The following MACROD2 variants were observed in gnomAD, a reference collection of about 807,000 sequenced individuals.
MACROD2 encodes ADP-ribose glycohydrolase MACROD2.
Under a neutral mutation model 70.4 loss-of-function variants are expected in MACROD2, and 36 were observed. The observed-to-expected ratio is 0.51, with a 90% CI of 0.39 to 0.68. MACROD2 has a LOEUF of 0.68. Ranked by LOEUF, MACROD2 falls within the 30% of genes least tolerant of loss-of-function variation. The pLI, the probability that MACROD2 is intolerant of heterozygous loss-of-function variation, is 0.00. For missense variants in MACROD2, 496 were observed against 538.4 expected, an observed-to-expected ratio of 0.92 and a Z score of 0.78; for synonymous variants, 172 against 178.8, an observed-to-expected ratio of 0.96 and a Z score of 0.30.
chr20:14,167,297 C>T (rs2055281232), intron 3 of MACROD2, among the ~76,000 whole-genome samples: 1 of 152,140 alleles, frequency 6.6e-6, no homozygotes, highest in Admixed American at 6.5e-5. Context: ...TCATTTTTTT[C>T]ACATGATTAT....
At chr20:14,698,385 A>T (rs924761831) in intron 5 of MACROD2, among the ~76,000 whole-genome samples, 1 of 152,056 alleles carries the variant, frequency 6.6e-6, no homozygotes, top group South Asian at 2.1e-4. Flanking sequence ...CAATCACCCT[A>T]CCCTCACAGG....
chr20:14,696,929 A>G (rs2071132928), intron 5 of MACROD2, among the ~76,000 whole-genome samples: 1 of 152,212 alleles, frequency 6.6e-6, no homozygotes, highest in African/African-American at 2.4e-5. Flanking sequence ...TACTTAGTAC[A>G]GTATATTAAA....
intron 6 of MACROD2, among the ~76,000 whole-genome samples, chr20:15,391,283 G>A (rs2045788765): frequency 6.6e-6 from 1 of 152,226 alleles, no homozygotes; most frequent in Admixed American, 6.5e-5. Context: ...GCTTTTGTGT[G>A]CTGCCTTTTA....
chr20:15,605,733 GA>G (rs2048884493), intron 8 of MACROD2, among the ~76,000 whole-genome samples: 1 of 152,138 alleles, frequency 6.6e-6, no homozygotes, highest in Admixed American at 6.5e-5. Flanking sequence ...TTGTGTATAA[GA>G]AATAGGTGTG....
intron 8 of MACROD2, among the ~76,000 whole-genome samples, chr20:15,766,781 C>T (rs922757930): frequency 1.2e-4 from 18 of 152,140 alleles, no homozygotes; most frequent in Middle Eastern, 3.2e-3. Flanking sequence ...CATAACAAAC[C>T]GCCTCATAGT....
chr20:14,759,880 T>C (rs531845278), intron 5 of MACROD2, among the ~76,000 whole-genome samples: 1 of 152,178 alleles, frequency 6.6e-6, no homozygotes, highest in South Asian at 2.1e-4. Flanking sequence ...TAGGTGCTTT[T>C]CTGATTATCA....
intron 8 of MACROD2, among the ~76,000 whole-genome samples, chr20:15,697,056 G>A (rs918733801): frequency 4.6e-5 from 7 of 151,858 alleles, no homozygotes; most frequent in African/African-American, 1.7e-4. Flanking sequence ...ATTTCATTTA[G>A]TTCTGCTCTG....
intron 10 of MACROD2, among the ~76,000 whole-genome samples, chr20:15,916,387 A>C (rs1231969911): frequency 2.0e-5 from 3 of 152,180 alleles, no homozygotes; most frequent in Non-Finnish European, 4.4e-5. Context: ...GCCTAATCTC[A>C]AAAAGGACAT....
Position 14,699,801 on chromosome 20 carries a change from T to A in MACROD2, c.418+14842T>A, listed in dbSNP as rs551568879. Among the ~76,000 whole-genome samples, 4 of 150,756 alleles carry A rather than the reference T, an allele frequency of 2.7e-5. 1 individual carries two copies. Among genetic ancestry groups the A allele is most frequent in the Admixed American group, 6.6e-5 (1 of 15,140 alleles). On this transcript the variant is annotated intron_variant, in intron 5 of 17. Transcript: ENST00000684519. ...TTTAAACTTTTTAAATCTAGAAGTT[T>A]AAAGTTTAAACTTTTTAAATCTAGA... is the stretch of plus-strand genomic sequence containing the variant.
At chr20:15,160,169 A>G (rs2145873691) in intron 5 of MACROD2, among the ~76,000 whole-genome samples, 1 of 152,178 alleles carries the variant, frequency 6.6e-6, no homozygotes, top group Non-Finnish European at 1.5e-5. Flanking sequence ...GGTGGTTGAA[A>G]AAGATGGGAC....
At chr20:14,268,641 A>G (rs2082164836) in intron 3 of MACROD2, among the ~76,000 whole-genome samples, 1 of 152,318 alleles carries the variant, frequency 6.6e-6, no homozygotes, top group South Asian at 2.1e-4. Context: ...GAATCTTACG[A>G]CCAAAAGAAA....
chr20:14,173,132 C>T (rs1017063278), intron 3 of MACROD2, among the ~76,000 whole-genome samples: 2 of 152,070 alleles, frequency 1.3e-5, no homozygotes, highest in Non-Finnish European at 2.9e-5. Context: ...GATCTTTTTG[C>T]GATAAATTTT....
chr20:14,803,760 C>T (rs548961528), intron 5 of MACROD2, among the ~76,000 whole-genome samples: 2 of 152,166 alleles, frequency 1.3e-5, no homozygotes, highest in Admixed American at 6.5e-5. Context: ...GGATTACAGG[C>T]GTGAGCCACG....
At chr20:15,318,671 T>A (rs112743900) in intron 6 of MACROD2, among the ~76,000 whole-genome samples, 4,846 of 152,178 alleles carry the variant, frequency 0.032, 97 homozygotes, top group Middle Eastern at 0.048. Flanking sequence ...TTCAATAAGA[T>A]AACAGCAATC....
chr20:14,779,280 G>A (rs552021104), intron 5 of MACROD2, among the ~76,000 whole-genome samples: 27 of 152,162 alleles, frequency 1.8e-4, no homozygotes, highest in Non-Finnish European at 2.6e-4. Context: ...TACTAGTCAC[G>A]CTTTCACTCT....
chr20:15,677,593 G>A (rs938436321), intron 8 of MACROD2, among the ~76,000 whole-genome samples: 1 of 152,054 alleles, frequency 6.6e-6, no homozygotes, highest in Non-Finnish European at 1.5e-5. Flanking sequence ...CTGTGTGGGT[G>A]ACCAGAATCC....
At chr20:14,651,031 A>G (rs539214426) in intron 4 of MACROD2, among the ~76,000 whole-genome samples, 1 of 152,342 alleles carries the variant, frequency 6.6e-6, no homozygotes, top group South Asian at 2.1e-4. Context: ...GCCACTCCAT[A>G]GAATATTAGG....
chr20:14,393,085 A>C (rs2122809198), intron 3 of MACROD2, among the ~76,000 whole-genome samples: 2 of 152,324 alleles, frequency 1.3e-5, no homozygotes, highest in African/African-American at 2.4e-5. Context: ...TTTAGACCCG[A>C]GAAAGTGGAG....
At chr20:14,321,405 A>G (rs1180551972) in intron 3 of MACROD2, among the ~76,000 whole-genome samples, 6 of 152,224 alleles carry the variant, frequency 3.9e-5, no homozygotes, top group South Asian at 4.1e-4. Flanking sequence ...TGACTAGTTA[A>G]GAATATTTGT....
Sources: allele counts gnomAD v4.1 joint callset (sites outside exome capture counted in the v4.1 genomes callset), GRCh38; gene constraint gnomAD v4.1.1; transcripts MANE v1.5; gene names NCBI Gene and HGNC (gene_info 2026-07-23, HGNC 2026-07-21).